NCOA5: variants seen among roughly 807,000 people sequenced by gnomAD.
NCOA5 encodes the protein NCoA-5.
In NCOA5, 12 loss-of-function variants were observed where a neutral mutation model predicts 59.0. The observed-to-expected ratio is 0.20, with a 90% CI of 0.13 to 0.33. The LOEUF is 0.33. Ranked by LOEUF, NCOA5 falls within the 10% of genes least tolerant of loss-of-function variation. NCOA5 has a pLI of 1.00. For missense variants in NCOA5, 655 were observed against 766.6 expected (o/e 0.85, Z 1.72); for synonymous variants, 270 against 275.5 (o/e 0.98, Z 0.20).
intron 2 of NCOA5, among the ~76,000 whole-genome samples, chr20:46,073,206 T>TA (rs1446571783): frequency 6.6e-6 from 1 of 152,204 alleles, no homozygotes; most frequent in Non-Finnish European, 1.5e-5. Context: ...ACACGTTAGG[T>TA]ATTCATCATG....
chr20:46,089,388 G>C (rs2085076427), intron 1 of NCOA5, among the ~76,000 whole-genome samples: 2 of 152,338 alleles, frequency 1.3e-5, no homozygotes, highest in African/African-American at 2.4e-5. Context: ...CCGGTGCCAC[G>C]GGACGCCTTG....
At chr20:46,066,445 C>T (rs1332540736) in intron 5 of NCOA5, among the ~76,000 whole-genome samples, 1 of 152,180 alleles carries the variant, frequency 6.6e-6, no homozygotes, top group Non-Finnish European at 1.5e-5. Context: ...TACTACTCTG[C>T]TTGACCAGCG....
rs554795564 is a variant in NCOA5, at chr20:46,077,683, C to T, written c.38+1704G>A. Among the ~76,000 whole-genome samples the T allele has an allele frequency of 3.3e-5, 5 of 152,306 alleles. No individual in the cohort carries two copies. In the South Asian group the frequency reaches 1.0e-3, roughly 32 times the overall value. The stretch of plus-strand genomic sequence containing the variant: ...ACTCCTGGTAAGTCACCAGGAAACA[C>T]ACACGTTAGCGCTCTTTGGAAATTG... On this transcript the variant is annotated intron_variant, in intron 2 of 7. Transcript: ENST00000290231.
At chr20:46,084,089 T>C (rs2085022027) in intron 1 of NCOA5, among the ~76,000 whole-genome samples, 1 of 152,258 alleles carries the variant, frequency 6.6e-6, no homozygotes, top group African/African-American at 2.4e-5. Context: ...ACTTACAGAA[T>C]GCTTATTTTG....
chr20:46,065,710 T>TA (rs2084816031), intron 5 of NCOA5, among the ~76,000 whole-genome samples: 1 of 152,218 alleles, frequency 6.6e-6, no homozygotes, highest in Non-Finnish European at 1.5e-5. Context: ...GCTCAGTTCA[T>TA]ACGTCATTTT....
chr20:46,076,480 T>C (rs979235775), intron 2 of NCOA5, among the ~76,000 whole-genome samples: 1 of 152,226 alleles, frequency 6.6e-6, no homozygotes, highest in Non-Finnish European at 1.5e-5. Flanking sequence ...ATTAAAATGT[T>C]AGTGCTCGCT....
At chr20:46,086,890 T>C (rs1471056790) in intron 1 of NCOA5, among the ~76,000 whole-genome samples, 1 of 152,236 alleles carries the variant, frequency 6.6e-6, no homozygotes, top group Non-Finnish European at 1.5e-5. Context: ...ACATTGCACA[T>C]ATTTAGCACA....
intron 5 of NCOA5, among the ~76,000 whole-genome samples, chr20:46,066,544 G>A (rs537420801): frequency 6.6e-6 from 1 of 152,140 alleles, no homozygotes; most frequent in Non-Finnish European, 1.5e-5. Flanking sequence ...CTTAGCCCTG[G>A]CCAATCAGAA....
In NCOA5 at chr20:46,062,901, A is replaced by T; in HGVS notation, c.1151-12T>A. ...GCGGGAAATCGGGCCTGGAAGACAG[A>T]AGAGGGAGGTATCTGGTTCAAAGTA... On this transcript the variant is annotated splice_polypyrimidine_tract_variant and intron_variant, in intron 7 of 7. Coordinates refer to ENST00000290231, the MANE Select transcript of NCOA5 (RefSeq NM_020967.3). 6.6e-7 allele frequency: 1 copy of T among 1,511,168 alleles called. No homozygotes were observed. Among genetic ancestry groups the T allele is most frequent in the Non-Finnish European group, 8.8e-7 (1 of 1,133,370 alleles). 93.6% of individuals were successfully genotyped at this position (1,511,168 alleles called of 1,614,324 possible).
chr20:46,071,460 G>C (rs933807582), intron 2 of NCOA5, among the ~76,000 whole-genome samples: 5 of 152,048 alleles, frequency 3.3e-5, no homozygotes, highest in African/African-American at 2.4e-5. Context: ...CATTGGATTT[G>C]TAAGTCCAAT....
chr20:46,081,872 A>G (rs981251179), intron 1 of NCOA5, among the ~76,000 whole-genome samples: 19 of 152,024 alleles, frequency 1.2e-4, no homozygotes, highest in African/African-American at 4.3e-4. Context: ...CATTACTGCC[A>G]ATCCCCATAC....
chr20:46,075,039 TATC>T (rs1280442863), intron 2 of NCOA5, among the ~76,000 whole-genome samples: 3 of 152,190 alleles, frequency 2.0e-5, no homozygotes, highest in Non-Finnish European at 2.9e-5. Context: ...TGTCCACAAA[TATC>T]ATCATCTAAA....
chr20:46,075,804 T>C (rs892184246), intron 2 of NCOA5, among the ~76,000 whole-genome samples: 2 of 152,224 alleles, frequency 1.3e-5, no homozygotes, highest in Non-Finnish European at 2.9e-5. Flanking sequence ...ATGGTAACTA[T>C]GCAAGGTACT....
In NCOA5 at chr20:46,062,529, G is replaced by A; in HGVS notation, c.1511C>T (p.Pro504Leu). 6.2e-7 allele frequency: 1 copy of A among 1,614,194 alleles called. No individual in the cohort carries two copies. Among genetic ancestry groups the A allele is most frequent in the Non-Finnish European group, 8.5e-7 (1 of 1,180,022 alleles). Residue 504 changes from proline to leucine, a missense_variant, in exon 8 of 8, where the codon CCT (proline) becomes CTT (leucine). Physicochemically the swap from Pro to Leu is moderately conservative, Grantham distance 98 (BLOSUM62 -3). This residue lies in a region of NCOA5 where 325 missense variants were observed against 353.2 expected (regional missense o/e 0.92). Coordinates refer to ENST00000290231, the MANE Select transcript of NCOA5 (RefSeq NM_020967.3). Reference protein sequence around the residue: ...AQNMGPRPGAPSQGLFGQPSS... With the variant: ...AQNMGPRPGALSQGLFGQPSS... The stretch of plus-strand genomic sequence containing the variant: ...AGGCTGGCCAAAAAGCCCTTGGGAA[G>A]GAGCCCCAGGTCTGGGGCCCATGTT...
intron 6 of NCOA5, among the ~76,000 whole-genome samples, chr20:46,064,164 C>T (rs189819206): frequency 2.6e-5 from 4 of 152,324 alleles, no homozygotes; most frequent in Admixed American, 6.5e-5. Flanking sequence ...CCCTAAATAA[C>T]CTCCTCTCCT....
chr20:46,074,604 A>G (rs2084917039), intron 2 of NCOA5, among the ~76,000 whole-genome samples: 1 of 152,212 alleles, frequency 6.6e-6, no homozygotes, highest in South Asian at 2.1e-4. Flanking sequence ...ATATAGTCAC[A>G]CTGCTGGGAA....
intron 2 of NCOA5, among the ~76,000 whole-genome samples, chr20:46,077,813 T>C (rs957054344): frequency 1.3e-5 from 2 of 152,330 alleles, no homozygotes; most frequent in East Asian, 3.9e-4. Flanking sequence ...TGTATTCCAT[T>C]CTGTGCTGGG....
chr20:46,082,605 G>A (rs1334507787), intron 1 of NCOA5, among the ~76,000 whole-genome samples: 2 of 152,168 alleles, frequency 1.3e-5, no homozygotes, highest in African/African-American at 4.8e-5. Context: ...ACTTCAGTTT[G>A]GGTGATACTT....
intron 6 of NCOA5, among the ~76,000 whole-genome samples, chr20:46,064,734 T>C (rs891567351): frequency 2.0e-5 from 3 of 152,192 alleles, no homozygotes; most frequent in Non-Finnish European, 1.5e-5. Context: ...ATTTACACCA[T>C]GGAGATCAGC....
Sources: gnomAD v4.1 joint callset for allele counts (sites outside exome capture counted in the v4.1 genomes callset) on GRCh38, gnomAD v4.1.1 for gene constraint, gnomAD v4.1.1 regional missense constraint, MANE v1.5 for transcripts, NCBI Gene and HGNC (gene_info 2026-07-23, HGNC 2026-07-21) for gene names.